DNAH11: variants seen among roughly 807,000 people sequenced by gnomAD.
DNAH11 encodes the protein axonemal beta dynein heavy chain 11.
A neutral mutation model predicts 526.0 loss-of-function variants in DNAH11; 442 were observed. That is an observed-to-expected ratio of 0.84 (90% CI 0.78 to 0.91). The LOEUF is 0.91. Ranked by LOEUF, DNAH11 falls within the 40% of genes least tolerant of loss-of-function variation. The pLI, the probability that DNAH11 is intolerant of heterozygous loss-of-function variation, is 0.00. For synonymous variants in DNAH11, 2,461 were observed against 1,935.9 expected, an observed-to-expected ratio of 1.27 and a Z score of -7.12; for missense variants, 6,989 against 5,448.7, an observed-to-expected ratio of 1.28 and a Z score of -8.90.
chr7:21,600,464 A>C (rs936814583), intron 15 of DNAH11, among the ~76,000 whole-genome samples: 4 of 132,914 alleles, frequency 3.0e-5, no homozygotes, highest in Admixed American at 1.4e-4. Context: ...AAAAAACAAA[A>C]ACAAAACACA....
At chr7:21,696,179 A>G (rs566164041) in intron 35 of DNAH11, among the ~76,000 whole-genome samples, 1 of 152,112 alleles carries the variant, frequency 6.6e-6, no homozygotes, top group African/African-American at 2.4e-5. Flanking sequence ...AAGAATGTCT[A>G]CAGTTTTTAG....
Position 21,711,723 on chromosome 7 carries a change from C to T in DNAH11, c.6846C>T (p.Leu2282=), listed in dbSNP as rs182414611. The T allele has an allele frequency of 8.1e-6, 13 of 1,613,450 alleles. No individual in the cohort carries two copies. Among genetic ancestry groups the T allele is most frequent in the South Asian group, 5.5e-5 (5 of 91,048 alleles). Residue 2282 remains leucine (L), a synonymous_variant, in exon 42 of 82, where the codon CTC becomes CTT. Transcript: ENST00000409508. ...TVMDDNKVLT[L]ASNERIALTP... ...GCTGCTCACTCCAGGTGCTGACCCT[C>T]GCCAGCAATGAGCGCATTGCACTCA...
intron 63 of DNAH11, among the ~76,000 whole-genome samples, chr7:21,813,137 A>G (rs1353698930): frequency 1.3e-5 from 2 of 152,124 alleles, no homozygotes; most frequent in African/African-American, 4.8e-5. Context: ...TGAGGGTTCA[A>G]ATTACACTGT....
At chr7:21,893,634 GT>G (rs1784405949) in intron 77 of DNAH11, among the ~76,000 whole-genome samples, 1 of 152,224 alleles carries the variant, frequency 6.6e-6, no homozygotes, top group African/African-American at 2.4e-5. Context: ...ATATTGACTG[GT>G]TTTTCCAGCT....
Position 21,595,352 on chromosome 7 carries a change from G to C in DNAH11, c.2667+3775G>C, listed in dbSNP as rs77423782. Among the ~76,000 whole-genome samples the C allele has an allele frequency of 4.9e-3, 743 of 152,288 alleles. 6 individuals are homozygous for C. Among genetic ancestry groups the C allele is most frequent in the African/African-American group, 0.017 (712 of 41,560 alleles). ...TTGGGATTTTCACATTCAAATTTTG[G>C]GAGGACATAAGCATTCAGACAGTGG... On this transcript the variant is annotated intron_variant, in intron 14 of 81. Transcript: ENST00000409508.
Position 21,582,017 on chromosome 7 carries a change from T to C in DNAH11, c.1706T>C (p.Phe569Ser). The C allele has an allele frequency of 6.3e-7, 1 of 1,598,020 alleles. No individual in the cohort carries two copies. Among genetic ancestry groups the C allele is most frequent in the Non-Finnish European group, 8.6e-7 (1 of 1,165,880 alleles). Residue 569 changes from phenylalanine to serine, a missense_variant, in exon 9 of 82, where the codon TTT (phenylalanine) becomes TCT (serine). Phe to Ser is a radical substitution (Grantham distance 155, BLOSUM62 -2). Coordinates refer to ENST00000409508, the MANE Select transcript of DNAH11 (RefSeq NM_001277115.2). Reference sequence around the variant, plus strand: ...AACTGCAATGGCTTAGAAGCTGCATTTAAGGTTAGTTCTGAAGAAGCTATC... The same window carrying C: ...AACTGCAATGGCTTAGAAGCTGCATCTAAGGTTAGTTCTGAAGAAGCTATC... ...FFNCNGLEAA[F>S]KLLTIFGNFL...
chr7:21,621,709 C>T (rs2128454847), intron 25 of DNAH11, among the ~76,000 whole-genome samples: 1 of 151,948 alleles, frequency 6.6e-6, no homozygotes, highest in African/African-American at 2.4e-5. Context: ...TAAACAGAAC[C>T]AAAGACAAAA....
At chr7:21,774,352 G>A (rs1160400943) in intron 56 of DNAH11, among the ~76,000 whole-genome samples, 1 of 151,976 alleles carries the variant, frequency 6.6e-6, no homozygotes, top group Admixed American at 6.6e-5. Flanking sequence ...TATCTTTTTT[G>A]GTCTCAGATT....
intron 65 of DNAH11, among the ~76,000 whole-genome samples, chr7:21,830,658 A>G (rs1562571375): frequency 6.6e-6 from 1 of 151,510 alleles, no homozygotes; most frequent in Non-Finnish European, 1.5e-5. Context: ...CACCTTGGCC[A>G]AGCCATAAAC....
At chr7:21,801,087 T>A (rs759879844) in intron 61 of DNAH11, 50 bp from the exon 62 acceptor site, 1 of 1,550,448 alleles carries the variant, frequency 6.4e-7, no homozygotes, top group African/African-American at 1.4e-5. Context: ...GATGGTAATC[T>A]CTCTGTTTTA....
intron 45 of DNAH11, among the ~76,000 whole-genome samples, chr7:21,727,200 T>G (rs1359861974): frequency 6.6e-6 from 1 of 151,972 alleles, no homozygotes. Context: ...CCCAGAGTGC[T>G]GGGATTACAG....
chr7:21,792,742 T>C lies in DNAH11; in HGVS notation c.10026+3400T>C, dbSNP rs79336661. On this transcript the variant is annotated intron_variant, in intron 61 of 81. Coordinates refer to ENST00000409508, the MANE Select transcript of DNAH11 (RefSeq NM_001277115.2). ...TTTCTGTGGTATCCGTTGTTATATA[T>C]CCATTTTCATTTATTTTTTTATTTG... is the stretch of plus-strand genomic sequence containing the variant. Among the ~76,000 whole-genome samples, 639 of 152,256 alleles carry C rather than the reference T, an allele frequency of 4.2e-3. 2 individuals carry two copies. Among genetic ancestry groups the C allele is most frequent in the African/African-American group, 0.014 (602 of 41,570 alleles).
intron 8 of DNAH11, among the ~76,000 whole-genome samples, chr7:21,574,867 C>CGT: frequency 2.3e-5 from 1 of 42,850 alleles, no homozygotes; most frequent in Non-Finnish European, 3.8e-5. Context: ...CTGCACTGGG[C>CGT]TTTTTTTTTT....
chr7:21,679,470 C>G (rs755787137), intron 30 of DNAH11, among the ~76,000 whole-genome samples: 1 of 152,154 alleles, frequency 6.6e-6, no homozygotes, highest in Non-Finnish European at 1.5e-5. Context: ...ATACCTACAT[C>G]AAAATATCAC....
intron 37 of DNAH11, chr7:21,703,523 C>T (rs377648263): frequency 6.6e-6 from 1 of 152,312 alleles, no homozygotes; most frequent in Non-Finnish European, 1.5e-5. Context: ...AAGCACGGAC[C>T]TTCTTCACAT....
intron 74 of DNAH11, among the ~76,000 whole-genome samples, chr7:21,878,552 T>C (rs1783800692): frequency 6.6e-6 from 1 of 152,184 alleles, no homozygotes. Flanking sequence ...GCTTGCCCTT[T>C]ATTTGTGGAA....
At chr7:21,827,630 T>A (rs529282859) in intron 65 of DNAH11, among the ~76,000 whole-genome samples, 1 of 151,084 alleles carries the variant, frequency 6.6e-6, no homozygotes, top group African/African-American at 2.4e-5. Flanking sequence ...CTAATAGAAA[T>A]ATTAACTATA....
chr7:21,600,553 C>T, intron 15 of DNAH11, 123 bp from the exon 16 acceptor site: 2 of 1,152,006 alleles, frequency 1.7e-6, no homozygotes, highest in East Asian at 2.6e-5. Context: ...GAAAAAGCAA[C>T]ATGATTTTTA....
rs951603379 is a variant in DNAH11, at chr7:21,748,668, C to T, written c.8599C>T (p.Leu2867=). The T allele has an allele frequency of 6.2e-7, 1 of 1,613,574 alleles. No homozygotes were observed. Among genetic ancestry groups the T allele is most frequent in the Non-Finnish European group, 8.5e-7 (1 of 1,179,734 alleles). ...CAGTGGCAAGCAGAGCTTGTCCAGG[C>T]TGGCAGCTTACCTTCGTGGCCTTGA... ...GGSGKQSLSR[L]AAYLRGLEVF... The change falls in exon 52 of 82, where the codon CTG becomes TTG. Residue 2867 remains leucine, a synonymous_variant. Coordinates refer to ENST00000409508, the MANE Select transcript of DNAH11 (RefSeq NM_001277115.2).
Sources: gnomAD v4.1 joint callset for allele counts (sites outside exome capture counted in the v4.1 genomes callset) on GRCh38, gnomAD v4.1.1 for gene constraint, MANE v1.5 for transcripts, NCBI Gene and HGNC (gene_info 2026-07-23, HGNC 2026-07-21) for gene names.